Variants in ANK2 observed in about 807,000 individuals in gnomAD.
ANK2 encodes ankyrin 2, also known as ankyrin-2.
Under a neutral mutation model 360.5 loss-of-function variants are expected in ANK2, and 83 were observed. That is an observed-to-expected ratio of 0.23 (90% CI 0.19 to 0.28). ANK2 has a LOEUF of 0.28. Ranked by LOEUF, ANK2 falls within the 10% of genes least tolerant of loss-of-function variation. ANK2 has a pLI of 1.00. For synonymous variants in ANK2, 1,740 were observed against 1,759.5 expected (o/e 0.99, Z 0.28); for missense variants, 4,201 against 4,795.7 (o/e 0.88, Z 3.66).
intron 2 of ANK2, among the ~76,000 whole-genome samples, chr4:112,952,893 G>T (rs556633962): frequency 2.6e-5 from 4 of 152,244 alleles, no homozygotes; most frequent in African/African-American, 9.6e-5. Flanking sequence ...AAACAGAGAG[G>T]TAAAGTGACT....
intron 2 of ANK2, among the ~76,000 whole-genome samples, chr4:112,980,718 G>A (rs2042888559): frequency 6.6e-6 from 1 of 152,138 alleles, no homozygotes; most frequent in African/African-American, 2.4e-5. Flanking sequence ...GGTGCTCAGG[G>A]CAGAATATAT....
intron 2 of ANK2, among the ~76,000 whole-genome samples, chr4:113,007,132 T>C (rs2053157632): frequency 6.6e-6 from 1 of 152,242 alleles, no homozygotes; most frequent in Non-Finnish European, 1.5e-5. Flanking sequence ...GTACATACTT[T>C]GCTCAAATGT....
chr4:112,905,460 AC>A (rs2084873957), intron 2 of ANK2, among the ~76,000 whole-genome samples: 1 of 152,202 alleles, frequency 6.6e-6, no homozygotes, highest in South Asian at 2.1e-4. Flanking sequence ...TCAAGGCCTT[AC>A]AAAATTCAGG....
intron 2 of ANK2, among the ~76,000 whole-genome samples, chr4:112,916,728 T>C (rs567648974): frequency 6.6e-4 from 100 of 152,314 alleles, no homozygotes; most frequent in African/African-American, 2.2e-3. Context: ...AAAACTCTGA[T>C]ACACATTTGT....
chr4:113,280,248 A>G (rs1403774533), intron 17 of ANK2, among the ~76,000 whole-genome samples: 1 of 152,220 alleles, frequency 6.6e-6, no homozygotes, highest in Non-Finnish European at 1.5e-5. Context: ...GGGACTCTCA[A>G]TCTACTTGTA....
At chr4:113,287,808 C>T in intron 19 of ANK2, 105 bp downstream of exon 19, 1 of 903,354 alleles carries the variant, frequency 1.1e-6, no homozygotes, top group Non-Finnish European at 1.8e-6. Context: ...CCTCAAGAGT[C>T]CATTCTGAAA....
chr4:113,353,352 G>A lies in ANK2; in HGVS notation c.4734G>A (p.Val1578=). The A allele has an allele frequency of 6.2e-7, 1 of 1,614,094 alleles. No homozygotes were observed. Among genetic ancestry groups the A allele is most frequent in the Non-Finnish European group, 8.5e-7 (1 of 1,179,962 alleles). The change falls in exon 38 of 46, where the codon GTG becomes GTA. Residue 1578 remains valine (V), a synonymous_variant. Coordinates refer to ENST00000357077, the MANE Select transcript of ANK2 (RefSeq NM_001148.6). The stretch of plus-strand genomic sequence containing the variant: ...CCTGCACAAGAGATGAAAGCAGTGT[G>A]CAGAGCTCTCGGTCTGAGAGAGGAT... ...SGTCTRDESS[V]QSSRSERGLV...
At chr4:113,211,018 G>A (rs541956543) in intron 4 of ANK2, among the ~76,000 whole-genome samples, 2 of 152,300 alleles carry the variant, frequency 1.3e-5, no homozygotes, top group South Asian at 4.1e-4. Context: ...AGAAGCAGAG[G>A]AGAGCAGTGG....
intron 1 of ANK2, among the ~76,000 whole-genome samples, chr4:113,118,636 C>A (rs10023704): frequency 0.7 from 106,380 of 152,068 alleles, 37,577 homozygotes; most frequent in African/African-American, 0.76. Context: ...GGAAAACTTT[C>A]ATACTGCTTG....
chr4:113,064,724 GA>G (rs2074971839), intron 1 of ANK2, among the ~76,000 whole-genome samples: 1 of 151,628 alleles, frequency 6.6e-6, no homozygotes, highest in Admixed American at 6.6e-5. Flanking sequence ...TTTCTTGTTA[GA>G]AAGTTCTGTA....
At chr4:112,782,346 T>A in the ANK2 span, among the ~76,000 whole-genome samples, 1 of 152,232 alleles carries the variant, frequency 6.6e-6, no homozygotes, top group African/African-American at 2.4e-5. Flanking sequence ...TATACTATTC[T>A]CTTTACTTTT....
rs755057031 is a variant in ANK2 at position 113,196,796 on chromosome 4, C to A, written c.285+330C>A. Among the ~76,000 whole-genome samples, 24 of 152,168 alleles carry A rather than the reference C, an allele frequency of 1.6e-4. 1 individual carries two copies. Among genetic ancestry groups the A allele is most frequent in the Non-Finnish European group, 1.5e-5 (1 of 68,026 alleles). The stretch of plus-strand genomic sequence containing the variant: ...CCTCCCAAAGTGCTGGGATTATAGG[C>A]GTGAACCACCACACCTCACCCACTT... On this transcript the variant is annotated intron_variant, in intron 3 of 45. Coordinates refer to ENST00000357077, the MANE Select transcript of ANK2 (RefSeq NM_001148.6).
At chr4:112,904,912 A>G (rs904367607) in intron 2 of ANK2, among the ~76,000 whole-genome samples, 1 of 152,158 alleles carries the variant, frequency 6.6e-6, no homozygotes, top group Non-Finnish European at 1.5e-5. Context: ...CTTCATAATT[A>G]CTTATAAAAT....
chr4:113,353,061 T>C lies in ANK2; in HGVS notation c.4443T>C (p.Ser1481=). Reference sequence around the variant, plus strand: ...ACATCAAAGATGATGAGACAGAATCTACAGAAACATCTGTCCTGAAAAGTC... The same window carrying C: ...ACATCAAAGATGATGAGACAGAATCCACAGAAACATCTGTCCTGAAAAGTC... The part of the protein sequence containing the change: ...MTSEKNDETE[S]TETSVLKSHL... Residue 1481 remains serine (S), a synonymous_variant, in exon 38 of 46, where the codon TCT becomes TCC. Transcript: ENST00000357077. The C allele has an allele frequency of 2.5e-6, 4 of 1,613,694 alleles. No homozygotes were observed. Among genetic ancestry groups the C allele is most frequent in the Non-Finnish European group, 3.4e-6 (4 of 1,179,704 alleles).
At chr4:113,071,261 G>A (rs146263547) in intron 1 of ANK2, among the ~76,000 whole-genome samples, 3 of 152,204 alleles carry the variant, frequency 2.0e-5, no homozygotes, top group Non-Finnish European at 2.9e-5. Context: ...GCACTGGCGC[G>A]TGTGACAGCA....
chr4:113,126,697 G>A (rs777817577), intron 1 of ANK2, among the ~76,000 whole-genome samples: 1 of 152,116 alleles, frequency 6.6e-6, no homozygotes, highest in Non-Finnish European at 1.5e-5. Flanking sequence ...AAAGGACCCA[G>A]TAGCAGATGC....
chr4:112,868,241 A>G (rs1164068811), intron 1 of ANK2, among the ~76,000 whole-genome samples: 3 of 152,240 alleles, frequency 2.0e-5, no homozygotes, highest in Non-Finnish European at 2.9e-5. Context: ...TTGCAATGCT[A>G]TAACAGACTA....
chr4:112,991,925 G>C, intron 2 of ANK2, among the ~76,000 whole-genome samples: 1 of 151,386 alleles, frequency 6.6e-6, no homozygotes, highest in Admixed American at 6.6e-5. Flanking sequence ...TTCCATTTGA[G>C]ACCTCAGCAG....
rs569323034 is a variant in ANK2 at position 112,894,164 on chromosome 4, T to TA, written c.-39-10280dup. Among the ~76,000 whole-genome samples the TA allele has an allele frequency of 1.1e-3, 169 of 148,924 alleles. 2 individuals carry two copies. Among genetic ancestry groups the TA allele is most frequent in the African/African-American group, 2.0e-3 (83 of 40,826 alleles). Reference sequence around the variant, plus strand: ...TCAAAATGCCCTAGTTGGCTTCTTTTAAAAAAAAAAATCAAATTCTCTCAT... The same window carrying TA: ...TCAAAATGCCCTAGTTGGCTTCTTTTAAAAAAAAAAAATCAAATTCTCTCAT... On this transcript the variant is annotated intron_variant, in intron 1 of 30. Transcript: ENST00000503271.
Sources: gnomAD v4.1 joint callset for allele counts (sites outside exome capture counted in the v4.1 genomes callset) on GRCh38, gnomAD v4.1.1 for gene constraint, MANE v1.5 for transcripts, NCBI Gene and HGNC (gene_info 2026-07-23, HGNC 2026-07-21) for gene names.